The following NRG1 variants were observed in gnomAD, a reference collection of about 807,000 sequenced individuals.
NRG1 encodes pro-neuregulin-1, membrane-bound isoform.
In NRG1, 18 loss-of-function variants were observed where a neutral mutation model predicts 63.8. That is an observed-to-expected ratio of 0.28 (90% CI 0.19 to 0.42). The LOEUF is 0.42. Among genes scored for constraint, NRG1 ranks in the 10% least tolerant of loss-of-function variants. The probability of loss-of-function intolerance (pLI) is 1.00; values close to 1 mark genes in which losing one functional copy is unlikely to be tolerated. For missense variants in NRG1, 762 were observed against 814.7 expected, an observed-to-expected ratio of 0.94 and a Z score of 0.79; for synonymous variants, 302 against 301.3, an observed-to-expected ratio of 1.00 and a Z score of -0.02.
chr8:31,793,729 A>C (rs1820929424), intron 1 of NRG1, among the ~76,000 whole-genome samples: 1 of 152,182 alleles, frequency 6.6e-6, no homozygotes, highest in Admixed American at 6.5e-5. Context: ...TGTGTAATAT[A>C]ATCCATGGGA....
At chr8:32,054,123 A>G (rs1204978020) in intron 1 of NRG1, among the ~76,000 whole-genome samples, 1 of 152,148 alleles carries the variant, frequency 6.6e-6, no homozygotes, top group Admixed American at 6.6e-5. Context: ...CTGTTAGAAA[A>G]CTTCCTTTTT....
intron 5 of NRG1, among the ~76,000 whole-genome samples, chr8:32,685,993 C>T (rs1000574792): frequency 6.6e-6 from 1 of 152,168 alleles, no homozygotes; most frequent in Non-Finnish European, 1.5e-5. Context: ...AATTTTGATA[C>T]CCTATCTCCA....
rs201199037 is a variant in NRG1 at position 32,684,526 on chromosome 8, A to G, written c.503-43423A>G. Among the ~76,000 whole-genome samples, 13 of 152,312 alleles carry G rather than the reference A, an allele frequency of 8.5e-5. No homozygotes were observed. The East Asian group carries it at 1.2e-3, about 14-fold the overall frequency. ...TACACTTTAATGGAATTGAGGTGTC[A>G]TCATCTTCCATTTATATTATTTTGC... On this transcript the variant is annotated intron_variant, in intron 5 of 11. Coordinates refer to ENST00000356819, the Ensembl canonical transcript of NRG1.
chr8:32,134,012 A>G (rs1361806397), intron 1 of NRG1, among the ~76,000 whole-genome samples: 1 of 152,120 alleles, frequency 6.6e-6, no homozygotes, highest in East Asian at 1.9e-4. Flanking sequence ...AGTCCAGATA[A>G]AAGAATTTTA....
chr8:32,260,930 T>C (rs1027091084), intron 1 of NRG1, among the ~76,000 whole-genome samples: 1 of 152,214 alleles, frequency 6.6e-6, no homozygotes, highest in Non-Finnish European at 1.5e-5. Context: ...GTTTAAGTTA[T>C]GGAAGAAAAA....
At chr8:32,089,220 G>A (rs1288901865) in intron 1 of NRG1, among the ~76,000 whole-genome samples, 1 of 152,206 alleles carries the variant, frequency 6.6e-6, no homozygotes, top group East Asian at 1.9e-4. Context: ...AACAGCTGCT[G>A]CAAAGGGTTG....
At chr8:32,615,947 T>C (rs974618251) in intron 4 of NRG1, among the ~76,000 whole-genome samples, 3 of 152,098 alleles carry the variant, frequency 2.0e-5, no homozygotes, top group African/African-American at 7.2e-5. Context: ...ATATAGGGAC[T>C]TCGTTATCTG....
At chr8:31,975,758 C>T (rs190611951) in intron 1 of NRG1, among the ~76,000 whole-genome samples, 4 of 152,186 alleles carry the variant, frequency 2.6e-5, no homozygotes, top group African/African-American at 7.2e-5. Context: ...CTCTGTGTCC[C>T]TGTAGTTAAC....
intron 1 of NRG1, among the ~76,000 whole-genome samples, chr8:32,254,764 CA>C (rs1292397931): frequency 2.0e-5 from 3 of 152,184 alleles, no homozygotes; most frequent in Non-Finnish European, 4.4e-5. Flanking sequence ...CTAATGTTGA[CA>C]GTCAGGTATT....
chr8:32,129,792 T>C (rs1834565780), intron 1 of NRG1, among the ~76,000 whole-genome samples: 1 of 152,022 alleles, frequency 6.6e-6, no homozygotes, highest in Non-Finnish European at 1.5e-5. Context: ...TGCATGCATC[T>C]GTGTATATAT....
At chr8:32,261,519 A>G (rs76474824) in intron 1 of NRG1, among the ~76,000 whole-genome samples, 2,412 of 152,210 alleles carry the variant, frequency 0.016, 52 homozygotes, top group African/African-American at 0.055. Context: ...TAGTACAAAT[A>G]TTAAATATCA....
chr8:32,013,736 A>G (rs571179426), intron 1 of NRG1, among the ~76,000 whole-genome samples: 2 of 152,246 alleles, frequency 1.3e-5, no homozygotes, highest in African/African-American at 4.8e-5. Context: ...CATTCTGTAC[A>G]CTCAGTGCAA....
At chr8:32,661,522 G>T (rs1468302884) in intron 5 of NRG1, among the ~76,000 whole-genome samples, 1 of 151,970 alleles carries the variant, frequency 6.6e-6, no homozygotes, top group Non-Finnish European at 1.5e-5. Flanking sequence ...TACTCATGGG[G>T]AAACTAAGAT....
intron 5 of NRG1, among the ~76,000 whole-genome samples, chr8:32,631,866 C>A (rs1249083558): frequency 6.6e-6 from 1 of 152,086 alleles, no homozygotes; most frequent in Non-Finnish European, 1.5e-5. Flanking sequence ...TTAATTTGCG[C>A]AGAATTCGCT....
chr8:31,736,823 GTTAT>G (rs902853690), intron 1 of NRG1, among the ~76,000 whole-genome samples: 5 of 152,094 alleles, frequency 3.3e-5, no homozygotes, highest in African/African-American at 9.7e-5. Context: ...AGTAGCAGTT[GTTAT>G]TTGTCATATG....
At chr8:32,664,733 A>G (rs778027611) in intron 5 of NRG1, among the ~76,000 whole-genome samples, 6 of 152,184 alleles carry the variant, frequency 3.9e-5, no homozygotes, top group Non-Finnish European at 8.8e-5. Context: ...ACTATGAGGA[A>G]GGAATACCAC....
chr8:31,824,686 C>G (rs1824363147), intron 1 of NRG1, among the ~76,000 whole-genome samples: 1 of 152,144 alleles, frequency 6.6e-6, no homozygotes, highest in South Asian at 2.1e-4. Context: ...GCATGTAAAG[C>G]TAATTGTTTT....
At chr8:32,060,914 A>G (rs1389978939) in intron 1 of NRG1, among the ~76,000 whole-genome samples, 1 of 151,808 alleles carries the variant, frequency 6.6e-6, no homozygotes, top group African/African-American at 2.4e-5. Context: ...AAGTGTGCTA[A>G]GATTAGGTTT....
At chr8:32,259,128 T>A (rs962493289) in intron 1 of NRG1, among the ~76,000 whole-genome samples, 1 of 152,196 alleles carries the variant, frequency 6.6e-6, no homozygotes, top group African/African-American at 2.4e-5. Flanking sequence ...AACTTGAGAC[T>A]TACCTTCCAG....
Sources: gnomAD v4.1 joint callset for allele counts (sites outside exome capture counted in the v4.1 genomes callset) on GRCh38, gnomAD v4.1.1 for gene constraint, MANE v1.5 for transcripts, NCBI Gene and HGNC (gene_info 2026-07-23, HGNC 2026-07-21) for gene names.